Variants in VEPH1 observed in about 807,000 individuals in gnomAD.
The protein encoded by VEPH1 is ventricular zone-expressed PH domain-containing protein homolog 1.
Under a neutral mutation model 85.2 loss-of-function variants are expected in VEPH1, and 80 were observed. The ratio of observed to expected loss-of-function variants is 0.94; its 90% CI spans 0.78 to 1.13. The LOEUF (loss-of-function observed/expected upper bound fraction) is 1.13. Among genes scored for constraint, VEPH1 ranks in the 50% most tolerant of loss-of-function variants. The pLI, the probability that VEPH1 is intolerant of heterozygous loss-of-function variation, is 0.00. For missense variants in VEPH1, 955 were observed against 980.5 expected (o/e 0.97, Z 0.35); for synonymous variants, 297 against 348.0 (o/e 0.85, Z 1.63).
chr3:157,319,779 T>G (rs557007009), intron 9 of VEPH1, among the ~76,000 whole-genome samples: 1 of 152,334 alleles, frequency 6.6e-6, no homozygotes, highest in East Asian at 1.9e-4. Flanking sequence ...TGATTAGATT[T>G]ATTTCACTCA....
chr3:157,442,731 C>T, intron 4 of VEPH1: 1 of 1,614,172 alleles, frequency 6.2e-7, no homozygotes, highest in Non-Finnish European at 8.5e-7. Flanking sequence ...GGCCACAGGT[C>T]ACATTGTTCC....
chr3:157,472,398 T>A (rs1737049597), intron 2 of VEPH1, among the ~76,000 whole-genome samples: 1 of 152,240 alleles, frequency 6.6e-6, no homozygotes, highest in Non-Finnish European at 1.5e-5. Context: ...AATAATTCAT[T>A]TCCTAGTAAT....
intron 9 of VEPH1, among the ~76,000 whole-genome samples, chr3:157,320,764 A>G (rs192513327): frequency 1.1e-3 from 170 of 152,304 alleles, no homozygotes; most frequent in Admixed American, 6.1e-3. Context: ...AAAATACCAA[A>G]TATATTACAC....
At chr3:157,463,806 A>G (rs115431159) in intron 3 of VEPH1, among the ~76,000 whole-genome samples, 270 of 152,328 alleles carry the variant, frequency 1.8e-3, no homozygotes, top group African/African-American at 6.2e-3. Context: ...CAGGATACCT[A>G]GGAGACAGAT....
chr3:157,416,044 C>T (rs1731885598), intron 5 of VEPH1, among the ~76,000 whole-genome samples: 1 of 152,104 alleles, frequency 6.6e-6, no homozygotes, highest in South Asian at 2.1e-4. Flanking sequence ...TTGAAAGCTC[C>T]ACAAGGTAAA....
rs752907686 is a variant in VEPH1, at chr3:157,495,388, C to A, written c.-39G>T. The A allele has an allele frequency of 6.2e-7, 1 of 1,607,978 alleles. No individual in the cohort carries two copies. The highest frequency in any genetic ancestry group is 2.2e-5 in the East Asian group (1 of 44,802). On this transcript the variant is annotated 5_prime_UTR_variant, in exon 2 of 14. Transcript: ENST00000362010. The stretch of plus-strand genomic sequence containing the variant: ...TTGATCAGTTGACTTTCTACAGACC[C>A]AGAGTCATGTGTTCCAGTTATCAGA...
At chr3:157,377,397 T>C (rs574882547) in intron 7 of VEPH1, among the ~76,000 whole-genome samples, 1 of 152,262 alleles carries the variant, frequency 6.6e-6, no homozygotes, top group Admixed American at 6.5e-5. Context: ...TGGGACCTTA[T>C]TTTTTCTTCC....
chr3:157,307,127 A>G (rs1469631220), intron 11 of VEPH1, among the ~76,000 whole-genome samples: 1 of 152,040 alleles, frequency 6.6e-6, no homozygotes, highest in Admixed American at 6.5e-5. Context: ...AATGGAATTA[A>G]GACTTCAGAA....
intron 4 of VEPH1, chr3:157,437,782 A>G: frequency 1.4e-6 from 2 of 1,474,126 alleles, no homozygotes; most frequent in Non-Finnish European, 1.8e-6. Flanking sequence ...GCTGGCGCGT[A>G]TGGAGGGCGC....
intron 12 of VEPH1, among the ~76,000 whole-genome samples, chr3:157,277,247 G>A (rs532598847): frequency 5.9e-5 from 9 of 152,156 alleles, no homozygotes; most frequent in South Asian, 4.1e-4. Flanking sequence ...ACACATATCC[G>A]ATGTTGGTCC....
chr3:157,271,210 G>C (rs1714510437), intron 12 of VEPH1, among the ~76,000 whole-genome samples: 1 of 152,100 alleles, frequency 6.6e-6, no homozygotes, highest in Admixed American at 6.5e-5. Flanking sequence ...GGTCATATTG[G>C]ACTTTATGGG....
At chr3:157,419,475 A>G (rs1207648252) in intron 5 of VEPH1, among the ~76,000 whole-genome samples, 2 of 152,166 alleles carry the variant, frequency 1.3e-5, no homozygotes, top group Non-Finnish European at 2.9e-5. Flanking sequence ...CATTTACAAG[A>G]AAACAAACAA....
chr3:157,498,258 T>C (rs1396107605), intron 1 of VEPH1, among the ~76,000 whole-genome samples: 3 of 152,214 alleles, frequency 2.0e-5, no homozygotes, highest in African/African-American at 4.8e-5. Context: ...TAGTTCATGT[T>C]GTTTTCCTTT....
chr3:157,278,203 G>A (rs1715638146), intron 12 of VEPH1, among the ~76,000 whole-genome samples: 1 of 152,192 alleles, frequency 6.6e-6, no homozygotes, highest in African/African-American at 2.4e-5. Context: ...GAGGACCTCA[G>A]TATGCATCGG....
At chr3:157,459,041 A>G (rs1735608929) in intron 4 of VEPH1, among the ~76,000 whole-genome samples, 2 of 152,200 alleles carry the variant, frequency 1.3e-5, no homozygotes, top group Non-Finnish European at 2.9e-5. Context: ...CCTCTCTACC[A>G]AGGTATAACA....
chr3:157,313,200 G>A (rs568996796), intron 11 of VEPH1, among the ~76,000 whole-genome samples: 2 of 152,078 alleles, frequency 1.3e-5, no homozygotes, highest in East Asian at 1.9e-4. Flanking sequence ...CACCGTGCCC[G>A]GCCAACATTT....
intron 1 of VEPH1, chr3:157,499,252 G>GTTTTTTTTTTTTTTT (rs72395333): frequency 7.8e-6 from 1 of 128,458 alleles, no homozygotes. Flanking sequence ...TCATTATTTA[G>GTTTTTTTTTTTTTTT]TTTTTTTTTT....
intron 2 of VEPH1, among the ~76,000 whole-genome samples, chr3:157,480,335 T>C (rs546226975): frequency 2.0e-5 from 3 of 152,246 alleles, no homozygotes; most frequent in African/African-American, 7.2e-5. Context: ...AGAGCGTACA[T>C]CAGCAGGTTT....
chr3:157,460,311 T>A lies in VEPH1; in HGVS notation c.399A>T (p.Ala133=). 2 of 1,614,156 alleles carry A rather than the reference T, an allele frequency of 1.2e-6. No individual in the cohort carries two copies. Among genetic ancestry groups the A allele is most frequent in the South Asian group, 1.1e-5 (1 of 91,080 alleles). The change falls in exon 4 of 14, where the codon GCA becomes GCT. Residue 133 remains alanine (A), a synonymous_variant. Coordinates refer to ENST00000362010, the MANE Select transcript of VEPH1 (RefSeq NM_001167912.2). ...PPVMALAIPI[A]VKFLHRGNKE... is the part of the protein sequence containing the mutation. ...TGTTGCCTCTGTGGAGGAATTTCAC[T>A]GCAATGGGGATGGCTAATGCCATCA...
Sources: gnomAD v4.1 joint callset for allele counts (sites outside exome capture counted in the v4.1 genomes callset) on GRCh38, gnomAD v4.1.1 for gene constraint, MANE v1.5 for transcripts, NCBI Gene and HGNC (gene_info 2026-07-23, HGNC 2026-07-21) for gene names.